ITPR1: variants seen among roughly 807,000 people sequenced by gnomAD.
ITPR1 encodes inositol 1,4,5-trisphosphate-gated calcium channel ITPR1.
In ITPR1, 96 loss-of-function variants were observed where a neutral mutation model predicts 318.4. That is an observed-to-expected ratio of 0.30 (90% CI 0.26 to 0.36). ITPR1 has a LOEUF of 0.36. Among genes scored for constraint, ITPR1 ranks in the 10% least tolerant of loss-of-function variants. The pLI, the probability that ITPR1 is intolerant of heterozygous loss-of-function variation, is 1.00. For missense variants in ITPR1, 2,440 were observed against 3,460.2 expected (o/e 0.71, Z 7.40); for synonymous variants, 1,312 against 1,289.9 (o/e 1.02, Z -0.37).
intron 12 of ITPR1, among the ~76,000 whole-genome samples, chr3:4,655,028 G>C (rs2093675485): frequency 6.6e-6 from 1 of 152,084 alleles, no homozygotes; most frequent in Admixed American, 6.6e-5. Flanking sequence ...AGTTAATATG[G>C]CTTGGAAAAC....
At chr3:4,664,052 C>T (rs2093894503) in intron 16 of ITPR1, among the ~76,000 whole-genome samples, 1 of 152,264 alleles carries the variant, frequency 6.6e-6, no homozygotes, top group African/African-American at 2.4e-5. Flanking sequence ...TTAGGAACCT[C>T]AAGAAACATT....
intron 43 of ITPR1, among the ~76,000 whole-genome samples, chr3:4,733,608 C>T (rs1163237537): frequency 6.6e-6 from 1 of 152,182 alleles, no homozygotes; most frequent in East Asian, 1.9e-4. Flanking sequence ...TATACATTTA[C>T]TGAATGCCAG....
chr3:4,821,085 G>A (rs1288607266), intron 60 of ITPR1, among the ~76,000 whole-genome samples: 1 of 152,234 alleles, frequency 6.6e-6, no homozygotes, highest in Non-Finnish European at 1.5e-5. Context: ...TCTCTTGAAT[G>A]AGCCAACCCC....
At chr3:4,605,335 C>T (rs2091628233) in intron 4 of ITPR1, among the ~76,000 whole-genome samples, 1 of 152,068 alleles carries the variant, frequency 6.6e-6, no homozygotes, top group East Asian at 1.9e-4. Context: ...AAAAACATGG[C>T]AACTGACTGC....
intron 37 of ITPR1, among the ~76,000 whole-genome samples, chr3:4,709,715 C>T (rs1437839203): frequency 6.6e-6 from 1 of 152,216 alleles, no homozygotes; most frequent in East Asian, 1.9e-4. Context: ...ATTTGAAGAC[C>T]ATCATGCTAT....
intron 4 of ITPR1, among the ~76,000 whole-genome samples, chr3:4,598,910 C>A (rs1462924857): frequency 5.3e-5 from 8 of 152,122 alleles, no homozygotes; most frequent in African/African-American, 1.9e-4. Context: ...CTCACAGTGG[C>A]CATATCCACT....
chr3:4,840,029 CTTTTTTTTTTT>C (rs56096727), intron 61 of ITPR1, among the ~76,000 whole-genome samples: 22 of 104,912 alleles, frequency 2.1e-4, no homozygotes, highest in Admixed American at 5.7e-4. Context: ...AGCATAGCTG[CTTTTTTTTTTT>C]TTTTTTTTTT....
At chr3:4,825,950 A>C (rs900825604) in intron 60 of ITPR1, 2 of 364,972 alleles carry the variant, frequency 5.5e-6, no homozygotes, top group Non-Finnish European at 1.1e-5. Flanking sequence ...AATGAGCCTG[A>C]AAATTCACAC....
chr3:4,825,833 A>G lies in ITPR1; in HGVS notation c.8028+7591A>G, dbSNP rs552798958. On this transcript the variant is annotated intron_variant, in intron 60 of 61. Transcript: ENST00000649015. ...CCAGCCAGAGGCAACGCAAGGAACC[A>G]AGTGCAGGGGCTGGTGGGAGGAGAG... 571 of 456,870 alleles carry G rather than the reference A, an allele frequency of 1.2e-3. 4 individuals are homozygous for G. The highest frequency in any genetic ancestry group is 8.4e-3 in the South Asian group (545 of 64,560). 28.3% of individuals were successfully genotyped at this position (456,870 alleles called of 1,614,324 possible).
chr3:4,669,568 A>T (rs1301488923), intron 18 of ITPR1, 86 bp from the exon 19 acceptor site: 1 of 1,339,874 alleles, frequency 7.5e-7, no homozygotes, highest in Non-Finnish European at 1.0e-6. Context: ...GGTATGTTGG[A>T]CCTGTGCACT....
chr3:4,724,766 C>T lies in ITPR1; in HGVS notation c.5137-780C>T, dbSNP rs959113403. On this transcript the variant is annotated intron_variant, in intron 40 of 61. Coordinates refer to ENST00000649015, the MANE Select transcript of ITPR1 (RefSeq NM_001378452.1). ...CCCTGCATGCCCTCTCACCCCTTCC[C>T]CCTCACCTGCATGTCCTTTCGAGGC... is the stretch of plus-strand genomic sequence containing the variant. Among the ~76,000 whole-genome samples, 3 of 152,186 alleles carry T rather than the reference C, an allele frequency of 2.0e-5. No individual in the cohort carries two copies. In the East Asian group the frequency reaches 5.8e-4, roughly 29 times the overall value.
chr3:4,810,882 C>G (rs960280592), intron 55 of ITPR1, among the ~76,000 whole-genome samples: 3 of 152,186 alleles, frequency 2.0e-5, no homozygotes, highest in African/African-American at 7.2e-5. Flanking sequence ...AGGGCAGGGA[C>G]CAGGGTGGCT....
intron 46 of ITPR1, among the ~76,000 whole-genome samples, chr3:4,771,651 A>T (rs2046192947): frequency 6.6e-6 from 1 of 152,116 alleles, no homozygotes; most frequent in African/African-American, 2.4e-5. Flanking sequence ...CTTTTAATGA[A>T]GTCCTTCCAA....
At chr3:4,510,360 TATC>T (rs1333523306) in intron 2 of ITPR1, among the ~76,000 whole-genome samples, 1 of 152,152 alleles carries the variant, frequency 6.6e-6, no homozygotes, top group Non-Finnish European at 1.5e-5. Flanking sequence ...GTTTCTAAAA[TATC>T]ATGCTGGATG....
rs150528326 is a variant in ITPR1 at position 4,529,874 on chromosome 3, C to T, written c.163+8780C>T. On this transcript the variant is annotated intron_variant, in intron 4 of 61. Transcript: ENST00000649015. ...CTCATAACAACCCCATAAGTAAGAC[C>T]GGTACCTTTCTACAGATGAGGAAAC... 7.2e-5 allele frequency among the ~76,000 whole-genome samples: 11 copies of T among 152,208 alleles called. No homozygotes were observed. The East Asian group carries it at 1.3e-3, about 19-fold the overall frequency.
chr3:4,588,568 C>T (rs1435286221), intron 4 of ITPR1, among the ~76,000 whole-genome samples: 1 of 152,130 alleles, frequency 6.6e-6, no homozygotes, highest in Non-Finnish European at 1.5e-5. Flanking sequence ...GGCCTTGGCT[C>T]TCATCTCTAT....
intron 4 of ITPR1, among the ~76,000 whole-genome samples, chr3:4,569,590 A>G (rs1175330708): frequency 1.3e-5 from 2 of 152,204 alleles, no homozygotes; most frequent in Non-Finnish European, 2.9e-5. Flanking sequence ...AATGCCTTTT[A>G]CTTTCTTTTT....
intron 4 of ITPR1, among the ~76,000 whole-genome samples, chr3:4,616,177 T>C (rs1343866049): frequency 1.3e-5 from 2 of 152,224 alleles, no homozygotes; most frequent in Non-Finnish European, 2.9e-5. Flanking sequence ...ATTTTCCTTG[T>C]GTTAACTGCA....
chr3:4,624,489 T>G (rs1329536008), intron 4 of ITPR1, among the ~76,000 whole-genome samples: 1 of 151,858 alleles, frequency 6.6e-6, no homozygotes, highest in African/African-American at 2.4e-5. Context: ...GCCAACATGG[T>G]GAAACCCCAT....
Sources: allele counts gnomAD v4.1 joint callset (sites outside exome capture counted in the v4.1 genomes callset), GRCh38; gene constraint gnomAD v4.1.1; transcripts MANE v1.5; gene names NCBI Gene and HGNC (gene_info 2026-07-23, HGNC 2026-07-21).